The following IL1RAP variants were observed in gnomAD, a reference collection of about 807,000 sequenced individuals.
IL1RAP encodes the protein interleukin-1 receptor accessory protein.
IL1RAP carries 35 observed loss-of-function variants against 60.7 expected under a neutral mutation model. That is an observed-to-expected ratio of 0.58 (90% confidence interval 0.44 to 0.76). IL1RAP has a LOEUF of 0.76. Ranked by LOEUF, IL1RAP falls within the 30% of genes least tolerant of loss-of-function variation. The pLI is 0.00. For synonymous variants in IL1RAP, 268 were observed against 250.9 expected (o/e 1.07, Z -0.64); for missense variants, 572 against 693.9 (o/e 0.82, Z 1.97).
In IL1RAP at chr3:190,648,445, G is replaced by A; in HGVS notation, c.1453G>A (p.Ala485Thr). The A allele has an allele frequency of 6.2e-7, 1 of 1,614,120 alleles. No individual in the cohort carries two copies. Among genetic ancestry groups the A allele is most frequent in the Non-Finnish European group, 8.5e-7 (1 of 1,180,026 alleles). ...QGTQALLELKAGLENMASRGN... is the reference protein window; with the variant it reads ...QGTQALLELKTGLENMASRGN... ...AACCCAAGCCCTCCTGGAGCTCAAG[G>A]CTGGCCTAGAAAATATGGCCTCTCG... Residue 485 changes from alanine (A) to threonine (T), a missense_variant, in exon 12 of 12, where the codon GCT becomes ACT. Transcript: ENST00000447382.
chr3:190,554,047 C>T (rs372687744), intron 1 of IL1RAP, among the ~76,000 whole-genome samples: 1,518 of 106,784 alleles, frequency 0.014, 37 homozygotes, highest in African/African-American at 0.054. Flanking sequence ...GGCGACAGAG[C>T]GAGACTCCGT....
chr3:190,570,774 CG>C (rs1726850357), intron 3 of IL1RAP, among the ~76,000 whole-genome samples: 1 of 152,118 alleles, frequency 6.6e-6, no homozygotes, highest in African/African-American at 2.4e-5. Context: ...CCATGTTGGT[CG>C]GGTTGGTCTG....
rs200444009 is a variant in IL1RAP at position 190,650,060 on chromosome 3, A to AATAT, written c.*1369_*1372dup. 1.0e-5 allele frequency: 6 copies of AATAT among 595,006 alleles called. No homozygotes were observed. Among genetic ancestry groups the AATAT allele is most frequent in the East Asian group, 1.4e-4 (1 of 6,946 alleles). The allele number at this position is 595,006 out of a possible 1,614,324, so 36.9% of individuals were successfully genotyped here. On this transcript the variant is annotated 3_prime_UTR_variant, in exon 12 of 12. Coordinates refer to ENST00000447382, the MANE Select transcript of IL1RAP (RefSeq NM_002182.4). ...TGTATATAAATCCACATGCACATGA[A>AATAT]ATATATATATATATATAATTTGTGT...
At position 190,572,859 on chromosome 3, in the gene IL1RAP, GTTTTTTTT is replaced by G. The variant is rs1200775636; in HGVS notation, c.64+8521_64+8528del. Among the ~76,000 whole-genome samples the G allele has an allele frequency of 1.3e-4, 5 of 39,052 alleles. 1 individual carries two copies. The highest frequency in any genetic ancestry group is 8.7e-5 in the Non-Finnish European group (2 of 22,900). 25.6% of individuals were successfully genotyped at this position (39,052 alleles called of 152,430 possible). On this transcript the variant is annotated intron_variant, in intron 3 of 11. Coordinates refer to ENST00000447382, the MANE Select transcript of IL1RAP (RefSeq NM_002182.4). Reference sequence around the variant, plus strand: ...TCAGCATGTCCAGGGTTAATGCTTTGTTTTTTTTTTTTTTTTTTTTTTGAGACGGAGTC... The same window carrying G: ...TCAGCATGTCCAGGGTTAATGCTTTGTTTTTTTTTTTTTTGAGACGGAGTC...
rs1728844282 is a variant in IL1RAP at position 190,590,407 on chromosome 3, C to G, written c.65-13721C>G. Among the ~76,000 whole-genome samples the G allele has an allele frequency of 2.0e-5, 3 of 152,180 alleles. No homozygotes were observed. The South Asian group carries it at 6.2e-4, about 32-fold the overall frequency. On this transcript the variant is annotated intron_variant, in intron 3 of 11. Coordinates refer to ENST00000447382, the MANE Select transcript of IL1RAP (RefSeq NM_002182.4). ...AGTAGCTGGGACTACAGGTGCCCACCACATTCCCGGCTAATTTTTTGTATT... is the reference window on the plus strand; with the variant it reads ...AGTAGCTGGGACTACAGGTGCCCACGACATTCCCGGCTAATTTTTTGTATT...
intron 3 of IL1RAP, among the ~76,000 whole-genome samples, chr3:190,586,157 G>A (rs1398861324): frequency 2.6e-5 from 4 of 152,154 alleles, no homozygotes; most frequent in Non-Finnish European, 5.9e-5. Flanking sequence ...AGTGCCTTCT[G>A]CCCTCCTATG....
At chr3:190,528,458 T>G (rs1047281500) in intron 1 of IL1RAP, among the ~76,000 whole-genome samples, 1 of 152,212 alleles carries the variant, frequency 6.6e-6, no homozygotes. Context: ...GAAACAGTCT[T>G]CATATAAGGT....
At chr3:190,522,976 T>C (rs1477758809) in intron 1 of IL1RAP, among the ~76,000 whole-genome samples, 1 of 152,190 alleles carries the variant, frequency 6.6e-6, no homozygotes, top group Non-Finnish European at 1.5e-5. Context: ...TTAACTTTTC[T>C]ATGTTACTCA....
chr3:190,591,950 T>C (rs1413731821), intron 3 of IL1RAP, among the ~76,000 whole-genome samples: 1 of 152,098 alleles, frequency 6.6e-6, no homozygotes, highest in Non-Finnish European at 1.5e-5. Flanking sequence ...GGTTGCTCAT[T>C]ACAGTAATTT....
intron 3 of IL1RAP, among the ~76,000 whole-genome samples, chr3:190,600,263 G>C (rs924875507): frequency 6.6e-6 from 1 of 152,108 alleles, no homozygotes; most frequent in Admixed American, 6.5e-5. Flanking sequence ...GATTTTCCAC[G>C]GAAGATTCTT....
chr3:190,611,004 T>C (rs1470430359), intron 5 of IL1RAP, among the ~76,000 whole-genome samples: 2 of 152,206 alleles, frequency 1.3e-5, no homozygotes, highest in East Asian at 3.8e-4. Context: ...TCTTGAAAAC[T>C]GGTAAAGGAG....
chr3:190,601,198 T>G (rs556508084), intron 3 of IL1RAP, among the ~76,000 whole-genome samples: 1 of 152,296 alleles, frequency 6.6e-6, no homozygotes, highest in South Asian at 2.1e-4. Context: ...TTGGCCAGGC[T>G]GGTCTCGAAC....
chr3:190,606,535 C>CT (rs1466389040), intron 4 of IL1RAP, among the ~76,000 whole-genome samples: 2 of 152,220 alleles, frequency 1.3e-5, no homozygotes, highest in African/African-American at 4.8e-5. Flanking sequence ...ATCAGTTTTA[C>CT]TTTTTCCTTA....
intron 1 of IL1RAP, among the ~76,000 whole-genome samples, chr3:190,552,517 A>C (rs981726522): frequency 6.6e-6 from 1 of 152,182 alleles, no homozygotes; most frequent in African/African-American, 2.4e-5. Context: ...ACGTGAACTG[A>C]AAGGTACCAC....
intron 3 of IL1RAP, among the ~76,000 whole-genome samples, chr3:190,595,924 G>C (rs1334200164): frequency 6.6e-6 from 1 of 151,968 alleles, no homozygotes; most frequent in Non-Finnish European, 1.5e-5. Context: ...TTTTCTGATG[G>C]GAATTTTCTG....
At position 190,650,403 on chromosome 3, in the gene IL1RAP, C is replaced by A. The variant is rs1281852405; in HGVS notation, c.*1698C>A. On this transcript the variant is annotated 3_prime_UTR_variant, in exon 12 of 12. Coordinates refer to ENST00000447382, the MANE Select transcript of IL1RAP (RefSeq NM_002182.4). Reference sequence around the variant, plus strand: ...ATTAATTGATTTCCTACTATATTCCCAGCAGACACATTTAGAAACTAAGCT... The same window carrying A: ...ATTAATTGATTTCCTACTATATTCCAAGCAGACACATTTAGAAACTAAGCT... 1 of 985,296 alleles carries A rather than the reference C, an allele frequency of 1.0e-6. No individual in the cohort carries two copies. Among genetic ancestry groups the A allele is most frequent in the Non-Finnish European group, 1.2e-6 (1 of 829,920 alleles). The allele number at this position is 985,296 out of a possible 1,614,324, so 61.0% of individuals were successfully genotyped here. A position where few individuals can be genotyped will look rare whatever the true frequency, so the allele number is the denominator to read the frequency against.
rs773963793 is a variant in IL1RAP at position 190,600,262 on chromosome 3, C to T, written c.65-3866C>T. On this transcript the variant is annotated intron_variant, in intron 3 of 11. Coordinates refer to ENST00000447382, the MANE Select transcript of IL1RAP (RefSeq NM_002182.4). ...CTTCTTAAACTGGCCAGATTTTCCACGGAAGATTCTTTCCTTCTCTTCTGT... is the reference window on the plus strand; with the variant it reads ...CTTCTTAAACTGGCCAGATTTTCCATGGAAGATTCTTTCCTTCTCTTCTGT... Among the ~76,000 whole-genome samples, 20 of 152,172 alleles carry T rather than the reference C, an allele frequency of 1.3e-4. 1 individual carries two copies. Among genetic ancestry groups the T allele is most frequent in the Non-Finnish European group, 2.9e-4 (20 of 68,030 alleles).
chr3:190,649,152 C>A lies in IL1RAP; in HGVS notation c.*447C>A. On this transcript the variant is annotated 3_prime_UTR_variant, in exon 12 of 12. Transcript: ENST00000447382. ...TTTACTCGTCCGTTGAAAAGATAAT[C>A]AAGGCCTACATTTTAGCTGAGGATA... is the stretch of plus-strand genomic sequence containing the variant. 1.0e-6 allele frequency: 1 copy of A among 987,188 alleles called. No homozygotes were observed. Among genetic ancestry groups the A allele is most frequent in the Non-Finnish European group, 1.2e-6 (1 of 831,138 alleles). The allele number at this position is 987,188 out of a possible 1,614,324, so 61.2% of individuals were successfully genotyped here.
At chr3:190,569,368 T>C (rs957396328) in intron 3 of IL1RAP, among the ~76,000 whole-genome samples, 4 of 152,242 alleles carry the variant, frequency 2.6e-5, no homozygotes, top group Non-Finnish European at 4.4e-5. Context: ...CTTTAATAAC[T>C]CCGTGCTCAG....
Sources: gnomAD v4.1 joint callset for allele counts (sites outside exome capture counted in the v4.1 genomes callset) on GRCh38, gnomAD v4.1.1 for gene constraint, MANE v1.5 for transcripts, NCBI Gene and HGNC (gene_info 2026-07-23, HGNC 2026-07-21) for gene names.